The following MPRIP variants were observed in gnomAD, a reference collection of about 807,000 sequenced individuals.
The protein encoded by MPRIP is myosin phosphatase Rho-interacting protein.
MPRIP carries 59 observed loss-of-function variants against 234.9 expected under a neutral mutation model. That is an observed-to-expected ratio of 0.25 (90% confidence interval 0.20 to 0.31). MPRIP has a LOEUF of 0.31. MPRIP is among the 10% of genes least tolerant of loss of function. The probability of loss-of-function intolerance (pLI) is 1.00; values close to 1 mark genes in which losing one functional copy is unlikely to be tolerated. For synonymous variants in MPRIP, 1,144 were observed against 1,263.9 expected (o/e 0.91, Z 2.01); for missense variants, 2,436 against 3,071.0 (o/e 0.79, Z 4.89).
Position 17,171,771 on chromosome 17 carries a change from T to C in MPRIP, c.6378T>C (p.Ile2126=), listed in dbSNP as rs777414579. 1 of 1,613,770 alleles carries C rather than the reference T, an allele frequency of 6.2e-7. No individual in the cohort carries two copies. The highest frequency in any genetic ancestry group is 8.5e-7 in the Non-Finnish European group (1 of 1,180,034). Residue 2126 remains isoleucine, a synonymous_variant, in exon 17 of 24, where the codon ATT becomes ATC. Coordinates refer to ENST00000651222, the MANE Select transcript of MPRIP (RefSeq NM_001364716.4). ...AAMEETHQKK[I]EDLQRQHQRE... is the part of the protein sequence containing the mutation. ...TGGAAGAAACGCACCAGAAGAAGAT[T>C]GAAGATCTCCAGAGGCAGCACCAGC...
chr17:17,096,175 C>G (rs1424644621), intron 3 of MPRIP, among the ~76,000 whole-genome samples: 1 of 152,142 alleles, frequency 6.6e-6, no homozygotes, highest in South Asian at 2.1e-4. Context: ...TTGTACCCAC[C>G]TGTTTCCATG....
chr17:17,145,652 T>G (rs1249444287), intron 9 of MPRIP, among the ~76,000 whole-genome samples: 1 of 152,228 alleles, frequency 6.6e-6, no homozygotes, highest in African/African-American at 2.4e-5. Context: ...CAATTCTCCT[T>G]TCAGCCTTCC....
chr17:17,178,155 T>A (rs1329826714), intron 22 of MPRIP, among the ~76,000 whole-genome samples: 1 of 152,050 alleles, frequency 6.6e-6, no homozygotes, highest in African/African-American at 2.4e-5. Flanking sequence ...ACTCCTGGGC[T>A]CAAGCGATCC....
chr17:17,149,898 A>G (rs1375785235), intron 11 of MPRIP: 2 of 349,160 alleles, frequency 5.7e-6, no homozygotes, highest in East Asian at 1.1e-4. Flanking sequence ...AGGGATTTCA[A>G]CAGCAGCATG....
rs1597488569 is a variant in MPRIP at position 17,164,125 on chromosome 17, C to T, written c.2534C>T (p.Ser845Phe). 1 of 1,304,024 alleles carries T rather than the reference C, an allele frequency of 7.7e-7. No individual in the cohort carries two copies. Among genetic ancestry groups the T allele is most frequent in the Admixed American group, 2.3e-5 (1 of 43,544 alleles). The allele number at this position is 1,304,024 out of a possible 1,614,324, so 80.8% of individuals were successfully genotyped here. The change falls in exon 16 of 24, where the codon TCC becomes TTC. Residue 845 changes from serine to phenylalanine, a missense_variant. Transcript: ENST00000651222. ...GYVLQTEVAA[S>F]PSGAWQRLHR... Reference sequence around the variant, plus strand: ...TTTTTTAAGACTGAAGTGGCCGCCTCCCCATCGGGTGCCTGGCAGAGGCTC... The same window carrying T: ...TTTTTTAAGACTGAAGTGGCCGCCTTCCCATCGGGTGCCTGGCAGAGGCTC...
Position 17,063,094 on chromosome 17 carries a change from G to T in MPRIP, c.124-12616G>T, listed in dbSNP as rs1446010734. 2.0e-5 allele frequency among the ~76,000 whole-genome samples: 3 copies of T among 152,228 alleles called. No homozygotes were observed. In the East Asian group the frequency reaches 5.8e-4, roughly 29 times the overall value. On this transcript the variant is annotated intron_variant, in intron 1 of 23. Transcript: ENST00000651222. ...AGTGCTGATCGTCCCTCACTCCTGGGTGCTGACCAGCGTTGTCCTAGTGAC... is the reference window on the plus strand; with the variant it reads ...AGTGCTGATCGTCCCTCACTCCTGGTTGCTGACCAGCGTTGTCCTAGTGAC...
chr17:17,150,263 G>A, intron 12 of MPRIP, 30 bp downstream of exon 12: 1 of 1,535,238 alleles, frequency 6.5e-7, no homozygotes. Flanking sequence ...TGGGGCCACA[G>A]GCTTGACAGG....
intron 3 of MPRIP, among the ~76,000 whole-genome samples, chr17:17,097,490 C>T (rs1303627548): frequency 2.6e-5 from 4 of 152,104 alleles, no homozygotes; most frequent in Non-Finnish European, 5.9e-5. Context: ...GAGACCCTGT[C>T]TCTTAAAAAA....
At chr17:17,143,701 G>A (rs531144484) in intron 9 of MPRIP, 32 bp downstream of exon 9, 33 of 1,435,002 alleles carry the variant, frequency 2.3e-5, no homozygotes, top group South Asian at 1.6e-4. Context: ...TCCGGAGGCC[G>A]TGCTCCTCTG....
At chr17:17,130,576 G>C (rs1168377869) in intron 4 of MPRIP, among the ~76,000 whole-genome samples, 1 of 151,506 alleles carries the variant, frequency 6.6e-6, no homozygotes, top group Non-Finnish European at 1.5e-5. Context: ...CAGCAGTACA[G>C]ACCCCCCCAT....
chr17:17,096,291 GTGT>G (rs1567711877), intron 3 of MPRIP, among the ~76,000 whole-genome samples: 23 of 1,688 alleles, frequency 0.014, no homozygotes, highest in Non-Finnish European at 0.034. Flanking sequence ...TGTGCAGGGT[GTGT>G]GTGTGTGTGT....
In MPRIP at chr17:17,165,164, T is replaced by C. The variant is rs2045957184; in HGVS notation, c.3573T>C (p.Ala1191=). Residue 1191 remains alanine (A), a synonymous_variant, in exon 16 of 24, where the codon GCT becomes GCC. Transcript: ENST00000651222. The part of the protein sequence containing the change: ...LEKKEQDLNE[A]LVKMVALGSS... ...AGAAGGAGCAGGACCTCAATGAGGC[T>C]TTGGTTAAAATGGTTGCCTTGGGGA... is the stretch of plus-strand genomic sequence containing the variant. The C allele has an allele frequency of 7.7e-7, 1 of 1,304,070 alleles. No individual in the cohort carries two copies. Among genetic ancestry groups the C allele is most frequent in the Non-Finnish European group, 1.0e-6 (1 of 988,976 alleles). The allele number at this position is 1,304,070 out of a possible 1,614,324, so 80.8% of individuals were successfully genotyped here. A position where few individuals can be genotyped will look rare whatever the true frequency, so the allele number is the denominator to read the frequency against.
intron 1 of MPRIP, among the ~76,000 whole-genome samples, chr17:17,053,018 G>T (rs148547588): frequency 6.6e-6 from 1 of 152,184 alleles, no homozygotes; most frequent in Non-Finnish European, 1.5e-5. Flanking sequence ...AGAGAAAGGG[G>T]CCATGTCTCC....
chr17:17,117,745 A>G (rs907402470), intron 3 of MPRIP, among the ~76,000 whole-genome samples: 1 of 152,244 alleles, frequency 6.6e-6, no homozygotes, highest in Non-Finnish European at 1.5e-5. Flanking sequence ...TTGTTGGGTC[A>G]TATGGAAACT....
In MPRIP at chr17:17,117,528, A is replaced by T. The variant is rs73979086; in HGVS notation, c.268-9174A>T. ...TTCCAAGGTTTGCTCATGTTGGAGC[A>T]TGTGTCAGGATTTCATTCTTTTTAT... On this transcript the variant is annotated intron_variant, in intron 3 of 23. Transcript: ENST00000651222. 6.9e-3 allele frequency among the ~76,000 whole-genome samples: 1,044 copies of T among 152,354 alleles called. 9 individuals are homozygous for T. The highest frequency in any genetic ancestry group is 0.024 in the African/African-American group (1,010 of 41,578).
chr17:17,124,560 C>A (rs762200645), intron 3 of MPRIP, among the ~76,000 whole-genome samples: 1 of 152,190 alleles, frequency 6.6e-6, no homozygotes, highest in African/African-American at 2.4e-5. Context: ...TTAGGAAAGC[C>A]CCTCTGCCTC....
intron 3 of MPRIP, among the ~76,000 whole-genome samples, chr17:17,094,595 ACTCATCCCTCTCCT>A (rs928922978): frequency 7.3e-6 from 1 of 136,170 alleles, no homozygotes; most frequent in African/African-American, 2.7e-5. Flanking sequence ...TTCTTTTTTA[ACTCATCCCTCTCCT>A]CTCTTCACTG....
At chr17:17,157,004 CCTCCTTGGGCCCTCA>C (rs766730100) in intron 13 of MPRIP, among the ~76,000 whole-genome samples, 24 of 152,200 alleles carry the variant, frequency 1.6e-4, no homozygotes, top group Non-Finnish European at 2.8e-4. Flanking sequence ...CCCTGGAGCT[CCTCCTTGGGCCCTCA>C]CTGTCCTCAG....
chr17:17,165,538 G>T lies in MPRIP; in HGVS notation c.3947G>T (p.Gly1316Val), dbSNP rs1454295493. Residue 1316 changes from glycine to valine, a missense_variant, in exon 16 of 24, where the codon GGT (glycine) becomes GTT (valine). By Grantham distance (109) the Gly-to-Val change is moderately radical. Coordinates refer to ENST00000651222, the MANE Select transcript of MPRIP (RefSeq NM_001364716.4). The stretch of plus-strand genomic sequence containing the variant: ...GCCAAACTCGACCAAGGGGCACCTG[G>T]TGTTAAAAGGCAAAGAATCCGGTTC... ...GTAKLDQGAP[G>V]VKRQRIRFST... The T allele has an allele frequency of 2.8e-5, 36 of 1,304,390 alleles. No homozygotes were observed. Among genetic ancestry groups the T allele is most frequent in the Non-Finnish European group, 3.5e-5 (35 of 989,014 alleles). The allele number at this position is 1,304,390 out of a possible 1,614,324, so 80.8% of individuals were successfully genotyped here.
Sources: allele counts gnomAD v4.1 joint callset (sites outside exome capture counted in the v4.1 genomes callset), GRCh38; gene constraint gnomAD v4.1.1; transcripts MANE v1.5; gene names NCBI Gene and HGNC (gene_info 2026-07-23, HGNC 2026-07-21).